Variants in ZNF84 observed in about 807,000 individuals in gnomAD.
ZNF84 encodes zinc finger protein HPF2.
A neutral mutation model predicts 14.8 loss-of-function variants in ZNF84; 12 were observed. The observed-to-expected ratio is 0.81, with a 90% confidence interval of 0.52 to 1.31. The LOEUF (loss-of-function observed/expected upper bound fraction) is 1.31. Among genes scored for constraint, ZNF84 ranks in the 50% most tolerant of loss-of-function variants. The pLI, the probability that ZNF84 is intolerant of heterozygous loss-of-function variation, is 0.00. For missense variants in ZNF84, 859 were observed against 878.6 expected (o/e 0.98, Z 0.28); for synonymous variants, 347 against 291.1 (o/e 1.19, Z -1.96).
intron 2 of ZNF84, among the ~76,000 whole-genome samples, chr12:133,044,985 T>A (rs923824801): frequency 1.1e-4 from 17 of 152,188 alleles, no homozygotes; most frequent in African/African-American, 3.9e-4. Context: ...AATATCTTTT[T>A]AACAGCTTTA....
At chr12:133,046,435 G>C (rs991638488) in intron 2 of ZNF84, among the ~76,000 whole-genome samples, 2 of 142,250 alleles carry the variant, frequency 1.4e-5, no homozygotes, top group Non-Finnish European at 3.0e-5. Flanking sequence ...TTTTTTTGTG[G>C]AAAACAACTA....
chr12:133,047,943 G>A lies in ZNF84; in HGVS notation c.16-12G>A. 2 of 1,613,440 alleles carry A rather than the reference G, an allele frequency of 1.2e-6. No homozygotes were observed. The highest frequency in any genetic ancestry group is 1.7e-6 in the Non-Finnish European group (2 of 1,179,584). On this transcript the variant is annotated splice_polypyrimidine_tract_variant and intron_variant, in intron 2 of 4. Coordinates refer to ENST00000539354, the MANE Select transcript of ZNF84 (RefSeq NM_001289971.2). ...TAACTGCTTCAGATTTACCAGGATT[G>A]TGCTCTTACAGGAGTCATTCTCATT...
In ZNF84 at chr12:133,056,019, G is replaced by A. The variant is rs1020067756; in HGVS notation, c.239-935G>A. ...AGGCAGTTAAGGTGGGAGGATCTAAGTGGCTTTCTTAATAGTAATGTGAAG... is the reference window on the plus strand; with the variant it reads ...AGGCAGTTAAGGTGGGAGGATCTAAATGGCTTTCTTAATAGTAATGTGAAG... On this transcript the variant is annotated intron_variant, in intron 4 of 4. Transcript: ENST00000539354. Among the ~76,000 whole-genome samples the A allele has an allele frequency of 9.8e-5, 15 of 152,288 alleles. No individual in the cohort carries two copies. The South Asian group carries it at 3.1e-3, about 32-fold the overall frequency.
At chr12:133,043,382 C>G (rs997057103) in intron 2 of ZNF84, among the ~76,000 whole-genome samples, 1 of 151,890 alleles carries the variant, frequency 6.6e-6, no homozygotes, top group African/African-American at 2.4e-5. Context: ...CCAGGCTGGT[C>G]GCGAACTCCT....
chr12:133,045,583 G>A (rs771241824), intron 2 of ZNF84, among the ~76,000 whole-genome samples: 3 of 152,238 alleles, frequency 2.0e-5, no homozygotes, highest in East Asian at 1.9e-4. Flanking sequence ...AGGTTACAGC[G>A]AGCTATAATT....
chr12:133,057,920 C>T lies in ZNF84; in HGVS notation c.1205C>T (p.Pro402Leu). The change falls in exon 5 of 5, where the codon CCC becomes CTC. Residue 402 changes from proline (P) to leucine (L), a missense_variant. Transcript: ENST00000539354. The stretch of plus-strand genomic sequence containing the variant: ...CAGACAATTCATACTGGAGAGAAAC[C>T]CTATGAATGCAGCGAGTGTAGGAAA... ...RHQTIHTGEK[P>L]YECSECRKAF... The T allele has an allele frequency of 6.2e-7, 1 of 1,614,014 alleles. No homozygotes were observed. The highest frequency in any genetic ancestry group is 8.5e-7 in the Non-Finnish European group (1 of 1,180,010).
chr12:133,057,969 CATT>C lies in ZNF84; in HGVS notation c.1256_1258del (p.Ile419del). The C allele has an allele frequency of 1.2e-6, 2 of 1,613,668 alleles. No homozygotes were observed. The highest frequency in any genetic ancestry group is 1.7e-6 in the Non-Finnish European group (2 of 1,179,926). On this transcript the variant is annotated inframe_deletion, in exon 5 of 5. Transcript: ENST00000539354. Reference sequence around the variant, plus strand: ...AAGCATTTAGAGAGAGGTCGAGTCTCATTAATCATCAGAGAACACATACAGGAG... The same window carrying C: ...AAGCATTTAGAGAGAGGTCGAGTCTCAATCATCAGAGAACACATACAGGAG...
chr12:133,049,000 C>T (rs1295963432), intron 4 of ZNF84, 152 bp downstream of exon 4: 2 of 600,668 alleles, frequency 3.3e-6, no homozygotes, highest in African/African-American at 1.9e-5. Context: ...GTTGGCTGGT[C>T]AGTGATGGGT....
chr12:133,056,122 T>C (rs1430357581), intron 4 of ZNF84, among the ~76,000 whole-genome samples: 2 of 152,228 alleles, frequency 1.3e-5, no homozygotes, highest in Admixed American at 6.5e-5. Flanking sequence ...AAGCTTGAAA[T>C]GACTAATCAT....
intron 4 of ZNF84, among the ~76,000 whole-genome samples, chr12:133,051,229 A>G (rs994307889): frequency 3.3e-5 from 5 of 152,122 alleles, no homozygotes; most frequent in Non-Finnish European, 4.4e-5. Flanking sequence ...CCTTTACTGA[A>G]AAGGATTACA....
chr12:133,043,461 G>A (rs951877484), intron 2 of ZNF84, among the ~76,000 whole-genome samples: 3 of 152,174 alleles, frequency 2.0e-5, no homozygotes, highest in South Asian at 2.1e-4. Flanking sequence ...GAGCCACTAC[G>A]CCTGGCCAAC....
At chr12:133,048,290 C>T (rs1954017929) in intron 3 of ZNF84, 1 of 453,932 alleles carries the variant, frequency 2.2e-6, no homozygotes, top group Non-Finnish European at 4.0e-6. Flanking sequence ...GTTTGTCATG[C>T]AGCCTCTGAA....
At chr12:133,040,707 C>G (rs1418920047) in intron 1 of ZNF84, 1 of 151,918 alleles carries the variant, frequency 6.6e-6, no homozygotes, top group Non-Finnish European at 1.5e-5. Flanking sequence ...TTAACCTTGA[C>G]GCATCAAACA....
In ZNF84 at chr12:133,041,453, G is replaced by A. The variant is rs1593694860; in HGVS notation, c.-15G>A. The A allele has an allele frequency of 1.6e-5, 26 of 1,614,104 alleles. No homozygotes were observed. Among genetic ancestry groups the A allele is most frequent in the South Asian group, 7.7e-5 (7 of 91,084 alleles). On this transcript the variant is annotated 5_prime_UTR_variant, in exon 2 of 5. Transcript: ENST00000539354. The stretch of plus-strand genomic sequence containing the variant: ...CGATCTCAGCCTTGCTGATCATCTC[G>A]TACAGCAGCAGAAAATGACCATGTT...
Position 133,063,209 on chromosome 12 carries a change from T to A in ZNF84, c.*4277T>A. 2.8e-6 allele frequency: 2 copies of A among 702,398 alleles called. No homozygotes were observed. Among genetic ancestry groups the A allele is most frequent in the Non-Finnish European group, 2.6e-6 (1 of 384,838 alleles). 43.5% of individuals were successfully genotyped at this position (702,398 alleles called of 1,614,324 possible). ...TACCTGGTTCTTCTGGTCTTCATGT[T>A]CAGGTCCACCTCTGCCCTTTTCATG... On this transcript the variant is annotated 3_prime_UTR_variant, in exon 5 of 5. Coordinates refer to ENST00000539354, the MANE Select transcript of ZNF84 (RefSeq NM_001289971.2).
chr12:133,046,347 G>GTTT (rs58214468), intron 2 of ZNF84, among the ~76,000 whole-genome samples: 1 of 116,406 alleles, frequency 8.6e-6, no homozygotes, highest in African/African-American at 3.6e-5. Flanking sequence ...AGTCCTCACA[G>GTTT]TTTTTTTTTT....
chr12:133,054,126 T>A (rs1954113215), intron 4 of ZNF84, among the ~76,000 whole-genome samples: 1 of 151,892 alleles, frequency 6.6e-6, no homozygotes, highest in African/African-American at 2.4e-5. Context: ...AGAGACCAAG[T>A]CTCTTACTGG....
intron 4 of ZNF84, among the ~76,000 whole-genome samples, chr12:133,051,750 T>C (rs116571968): frequency 0.043 from 6,470 of 152,208 alleles, 454 homozygotes; most frequent in African/African-American, 0.15. Flanking sequence ...ATATTGTTTG[T>C]ATACAGTCTC....
chr12:133,049,224 C>A (rs1954034778), intron 4 of ZNF84, among the ~76,000 whole-genome samples: 1 of 152,122 alleles, frequency 6.6e-6, no homozygotes, highest in Admixed American at 6.5e-5. Context: ...TCTGTCCTCT[C>A]ACATGTTTGA....
Sources: allele counts gnomAD v4.1 joint callset (sites outside exome capture counted in the v4.1 genomes callset), GRCh38; gene constraint gnomAD v4.1.1; transcripts MANE v1.5; gene names NCBI Gene and HGNC (gene_info 2026-07-23, HGNC 2026-07-21).